TERB1: variants seen among roughly 807,000 people sequenced by gnomAD.
TERB1 encodes telomere repeats-binding bouquet formation protein 1.
Under a neutral mutation model 92.3 loss-of-function variants are expected in TERB1, and 63 were observed. The observed-to-expected ratio is 0.68, with a 90% CI of 0.56 to 0.84. TERB1 has a LOEUF of 0.84. Ranked by LOEUF, TERB1 falls within the 40% of genes least tolerant of loss-of-function variation. The probability of loss-of-function intolerance (pLI) is 0.00; values close to 1 mark genes in which losing one functional copy is unlikely to be tolerated. For missense variants in TERB1, 709 were observed against 843.7 expected (o/e 0.84, Z 1.98); for synonymous variants, 252 against 283.9 (o/e 0.89, Z 1.13).
At chr16:66,759,100 T>A (rs1000101033) in intron 17 of TERB1, 41 bp downstream of exon 17, 9 of 1,439,104 alleles carry the variant, frequency 6.3e-6, no homozygotes, top group Non-Finnish European at 8.5e-6. Context: ...GTTCAGAAGG[T>A]ATAGCCATAA....
intron 12 of TERB1, among the ~76,000 whole-genome samples, chr16:66,774,346 C>T (rs1035792885): frequency 9.9e-5 from 15 of 151,764 alleles, no homozygotes; most frequent in Non-Finnish European, 1.6e-4. Context: ...CCAACACGCC[C>T]GGCTAATTTT....
intron 3 of TERB1, among the ~76,000 whole-genome samples, chr16:66,792,019 T>C (rs905194219): frequency 6.6e-6 from 1 of 152,070 alleles, no homozygotes; most frequent in Non-Finnish European, 1.5e-5. Context: ...TGAACATACA[T>C]GCAAAAAGTC....
At chr16:66,779,097 T>C in intron 9 of TERB1, 82 bp from the exon 10 acceptor site, 1 of 1,074,078 alleles carries the variant, frequency 9.3e-7, no homozygotes, top group Non-Finnish European at 1.3e-6. Context: ...GCATTAAATA[T>C]AACATTGACC....
At chr16:66,773,850 A>G (rs1378778146) in intron 12 of TERB1, among the ~76,000 whole-genome samples, 1 of 151,998 alleles carries the variant, frequency 6.6e-6, no homozygotes, top group African/African-American at 2.4e-5. Context: ...CCTGATGTCT[A>G]GCACTCTGCC....
intron 9 of TERB1, among the ~76,000 whole-genome samples, chr16:66,780,136 G>A (rs1390808486): frequency 6.6e-6 from 1 of 152,148 alleles, no homozygotes; most frequent in East Asian, 1.9e-4. Flanking sequence ...CAAGGTGTTG[G>A]GATTACAGGC....
rs2018814197 is a variant in TERB1 at position 66,790,539 on chromosome 16, C to T, written c.271+56G>A. On this transcript the variant is annotated intron_variant, in intron 5 of 18. Coordinates refer to ENST00000433154, the MANE Select transcript of TERB1 (RefSeq NM_001136505.2). ...AACTATAAAATTAGTTTTGAGTATA[C>T]TGTTAAAATATAACACAATGCTTAA... 2.3e-6 allele frequency: 3 copies of T among 1,310,266 alleles called. No homozygotes were observed. In the South Asian group the frequency reaches 4.8e-5, roughly 21 times the overall value. The allele number at this position is 1,310,266 out of a possible 1,614,324, so 81.2% of individuals were successfully genotyped here.
chr16:66,780,359 A>G (rs2018615334), intron 9 of TERB1, among the ~76,000 whole-genome samples: 1 of 151,888 alleles, frequency 6.6e-6, no homozygotes, highest in African/African-American at 2.4e-5. Context: ...CAGAAGTTCA[A>G]TATCAGCCTG....
chr16:66,784,133 T>C (rs1257658769), intron 9 of TERB1, among the ~76,000 whole-genome samples: 2 of 152,272 alleles, frequency 1.3e-5, no homozygotes, highest in Non-Finnish European at 2.9e-5. Context: ...ACAGGTAATC[T>C]GAGCTTTCTC....
intron 12 of TERB1, among the ~76,000 whole-genome samples, 153 bp from the exon 13 acceptor site, chr16:66,772,902 T>C (rs1034212150): frequency 6.6e-6 from 1 of 152,232 alleles, no homozygotes; most frequent in African/African-American, 2.4e-5. Flanking sequence ...TGGAAGATTA[T>C]CTAGCAGAGG....
intron 6 of TERB1, among the ~76,000 whole-genome samples, chr16:66,786,984 G>T (rs2018739425): frequency 6.6e-6 from 1 of 152,194 alleles, no homozygotes; most frequent in Non-Finnish European, 1.5e-5. Flanking sequence ...GCATGAGAGA[G>T]TCTGCTGGTA....
chr16:66,773,364 T>C (rs964568432), intron 12 of TERB1, among the ~76,000 whole-genome samples: 1 of 149,728 alleles, frequency 6.7e-6, no homozygotes, highest in Admixed American at 6.6e-5. Context: ...AAAAAAATAA[T>C]GTTCAAAAAT....
chr16:66,760,181 T>G, intron 16 of TERB1, among the ~76,000 whole-genome samples: 1 of 103,816 alleles, frequency 9.6e-6, no homozygotes, highest in African/African-American at 3.8e-5. Flanking sequence ...AGCATCTAGG[T>G]TGGGTGCAAT....
intron 3 of TERB1, among the ~76,000 whole-genome samples, chr16:66,792,406 A>G (rs1424291669): frequency 6.6e-6 from 1 of 152,138 alleles, no homozygotes; most frequent in Non-Finnish European, 1.5e-5. Context: ...CCTATATAAC[A>G]TTGTCCCGAA....
chr16:66,794,256 C>T (rs755651075), intron 3 of TERB1, among the ~76,000 whole-genome samples: 2 of 151,786 alleles, frequency 1.3e-5, no homozygotes, highest in Non-Finnish European at 2.9e-5. Context: ...CATGCCACCA[C>T]GCCTGGCTAA....
intron 2 of TERB1, among the ~76,000 whole-genome samples, chr16:66,799,524 G>A (rs543546145): frequency 6.6e-6 from 1 of 151,892 alleles, no homozygotes; most frequent in Non-Finnish European, 1.5e-5. Flanking sequence ...CACCGTGCCT[G>A]GCCTAAGAGG....
intron 5 of TERB1, among the ~76,000 whole-genome samples, chr16:66,789,915 T>C (rs975183646): frequency 3.3e-5 from 5 of 152,120 alleles, no homozygotes; most frequent in Non-Finnish European, 4.4e-5. Flanking sequence ...ATCACCATGT[T>C]GTCCAGGCTG....
At chr16:66,786,555 A>G (rs1157902425) in intron 6 of TERB1, among the ~76,000 whole-genome samples, 1 of 152,382 alleles carries the variant, frequency 6.6e-6, no homozygotes, top group East Asian at 1.9e-4. Context: ...CAGTATCAAG[A>G]TAAGTTCCAA....
chr16:66,758,361 A>G (rs1445886502), intron 18 of TERB1: 1 of 167,668 alleles, frequency 6.0e-6, no homozygotes, highest in Non-Finnish European at 1.3e-5. Flanking sequence ...AAGGTTTATC[A>G]TTTAAGATCC....
chr16:66,795,808 T>C (rs376505297), intron 3 of TERB1, among the ~76,000 whole-genome samples: 1 of 152,194 alleles, frequency 6.6e-6, no homozygotes, highest in East Asian at 1.9e-4. Context: ...CATCAACGCT[T>C]AAGTGCAGTG....
Sources: allele counts gnomAD v4.1 joint callset (sites outside exome capture counted in the v4.1 genomes callset), GRCh38; gene constraint gnomAD v4.1.1; transcripts MANE v1.5; gene names NCBI Gene and HGNC (gene_info 2026-07-23, HGNC 2026-07-21).